Variants in PTPRK observed in about 807,000 individuals in gnomAD.
PTPRK encodes protein tyrosine phosphatase receptor type K.
A neutral mutation model predicts 178.0 loss-of-function variants in PTPRK; 75 were observed. The ratio of observed to expected loss-of-function variants is 0.42; its 90% confidence interval spans 0.35 to 0.51. The LOEUF (loss-of-function observed/expected upper bound fraction) is 0.51, where lower values mean the gene tolerates loss of function less well. Ranked by LOEUF, PTPRK falls within the 20% of genes least tolerant of loss-of-function variation. The pLI, the probability that PTPRK is intolerant of heterozygous loss-of-function variation, is 0.02. For synonymous variants in PTPRK, 637 were observed against 620.6 expected, an observed-to-expected ratio of 1.03 and a Z score of -0.39; for missense variants, 1,441 against 1,797.8, an observed-to-expected ratio of 0.80 and a Z score of 3.59.
chr6:128,432,047 T>C (rs981658137), intron 1 of PTPRK, among the ~76,000 whole-genome samples: 1 of 152,086 alleles, frequency 6.6e-6, no homozygotes, highest in Non-Finnish European at 1.5e-5. Context: ...AAAAGCACGG[T>C]TGAAAATACA....
chr6:128,200,164 T>C lies in PTPRK; in HGVS notation c.869-15439A>G, dbSNP rs554081798. ...GAGAATATATTTCTTTTATGTAACATTATACTGGAATCATGCAAAGTTAGG... is the reference window on the plus strand; with the variant it reads ...GAGAATATATTTCTTTTATGTAACACTATACTGGAATCATGCAAAGTTAGG... On this transcript the variant is annotated intron_variant, in intron 6 of 29. Coordinates refer to ENST00000368226, the MANE Select transcript of PTPRK (RefSeq NM_002844.4). Among the ~76,000 whole-genome samples the C allele has an allele frequency of 4.5e-4, 68 of 152,310 alleles. 1 individual carries two copies. In the South Asian group the frequency reaches 0.013, roughly 28 times the overall value.
rs1782055555 is a variant in PTPRK, at chr6:128,067,692, T to C, written c.1984A>G (p.Met662Val). The C allele has an allele frequency of 1.9e-6, 3 of 1,613,860 alleles. No individual in the cohort carries two copies. The highest frequency in any genetic ancestry group is 2.5e-6 in the Non-Finnish European group (3 of 1,179,836). ...YQVPVTYQNAMSGGAPYYFAA... is the reference protein window; with the variant it reads ...YQVPVTYQNAVSGGAPYYFAA... ...AAGTAATACGGTGCACCCCCACTCA[T>C]GGCATTTTGGTATGTGACAGGAACC... is the stretch of plus-strand genomic sequence containing the variant. The change falls in exon 12 of 30, where the codon ATG becomes GTG. Residue 662 changes from methionine to valine, a missense_variant. Met to Val is a conservative substitution (Grantham distance 21, BLOSUM62 1). Coordinates refer to ENST00000368226, the MANE Select transcript of PTPRK (RefSeq NM_002844.4).
intron 6 of PTPRK, among the ~76,000 whole-genome samples, chr6:128,218,625 A>G (rs2128271530): frequency 6.6e-6 from 1 of 152,362 alleles, no homozygotes; most frequent in Middle Eastern, 3.4e-3. Flanking sequence ...CTAAAGTTAA[A>G]ATACAAACGA....
intron 3 of PTPRK, among the ~76,000 whole-genome samples, chr6:128,304,421 C>A (rs1584035694): frequency 6.6e-6 from 1 of 151,996 alleles, no homozygotes; most frequent in Admixed American, 6.6e-5. Flanking sequence ...TAAAAATACA[C>A]AAAACACCCC....
At chr6:128,418,973 A>G (rs1177595490) in intron 1 of PTPRK, among the ~76,000 whole-genome samples, 1 of 152,194 alleles carries the variant, frequency 6.6e-6, no homozygotes, top group African/African-American at 2.4e-5. Context: ...CAATATACTC[A>G]GTCACCTAAG....
intron 7 of PTPRK, among the ~76,000 whole-genome samples, chr6:128,148,983 C>G (rs554628359): frequency 6.6e-6 from 1 of 151,940 alleles, no homozygotes; most frequent in South Asian, 2.1e-4. Flanking sequence ...TTACCTGTTT[C>G]CATGATTTCA....
At chr6:128,514,456 AC>A (rs1857651206) in intron 1 of PTPRK, among the ~76,000 whole-genome samples, 1 of 152,118 alleles carries the variant, frequency 6.6e-6, no homozygotes, top group African/African-American at 2.4e-5. Flanking sequence ...CAAAATAAAT[AC>A]AAACAATAAC....
intron 1 of PTPRK, among the ~76,000 whole-genome samples, chr6:128,434,527 A>C (rs1845257092): frequency 6.6e-6 from 1 of 152,180 alleles, no homozygotes; most frequent in Non-Finnish European, 1.5e-5. Context: ...CTGAAATTTC[A>C]GTTTACTTAC....
intron 1 of PTPRK, among the ~76,000 whole-genome samples, chr6:128,403,569 C>A (rs1251328097): frequency 2.0e-5 from 3 of 151,212 alleles, no homozygotes; most frequent in African/African-American, 7.4e-5. Context: ...GCTCCTAACA[C>A]CCAACACAGT....
intron 3 of PTPRK, among the ~76,000 whole-genome samples, chr6:128,317,482 T>C (rs1828171902): frequency 6.6e-6 from 1 of 152,128 alleles, no homozygotes; most frequent in Non-Finnish European, 1.5e-5. Context: ...GATATATATT[T>C]TTTTAAATTC....
intron 3 of PTPRK, among the ~76,000 whole-genome samples, chr6:128,285,548 T>C (rs1192946347): frequency 1.4e-5 from 2 of 143,002 alleles, no homozygotes; most frequent in African/African-American, 5.2e-5. Flanking sequence ...TGGTGGCTCA[T>C]GCCTGTAATC....
At chr6:128,020,543 G>A (rs1218252479) in intron 13 of PTPRK, among the ~76,000 whole-genome samples, 6 of 152,100 alleles carry the variant, frequency 3.9e-5, no homozygotes, top group African/African-American at 1.4e-4. Context: ...GTAATTAAAA[G>A]GCAAATGCAC....
chr6:128,340,125 A>T (rs1251723501), intron 2 of PTPRK, among the ~76,000 whole-genome samples: 1 of 152,210 alleles, frequency 6.6e-6, no homozygotes, highest in Non-Finnish European at 1.5e-5. Flanking sequence ...AACTAAAAAG[A>T]TTTATTGAGA....
intron 10 of PTPRK, among the ~76,000 whole-genome samples, chr6:128,081,481 C>A (rs1344562842): frequency 6.6e-6 from 1 of 151,838 alleles, no homozygotes; most frequent in Non-Finnish European, 1.5e-5. Flanking sequence ...AAGTACATGT[C>A]TTCCTTTTAA....
intron 7 of PTPRK, among the ~76,000 whole-genome samples, chr6:128,166,007 A>G (rs1799343901): frequency 6.6e-6 from 1 of 151,672 alleles, no homozygotes; most frequent in Non-Finnish European, 1.5e-5. Flanking sequence ...TTCTAGATAT[A>G]TGTAAGGATA....
chr6:128,420,143 C>T lies in PTPRK; in HGVS notation c.101-22455G>A, dbSNP rs371080241. Among the ~76,000 whole-genome samples the T allele has an allele frequency of 1.6e-4, 25 of 152,264 alleles. 1 individual carries two copies. Among genetic ancestry groups the T allele is most frequent in the Admixed American group, 1.0e-3 (16 of 15,286 alleles). ...ACCTTGCACTTTGCTTAAAATGTAG[C>T]TACCTGTTCTTCCCCAAAAAGGAAT... On this transcript the variant is annotated intron_variant, in intron 1 of 29. Transcript: ENST00000368226.
chr6:128,219,956 C>A (rs1810093843), intron 5 of PTPRK, among the ~76,000 whole-genome samples: 1 of 152,112 alleles, frequency 6.6e-6, no homozygotes, highest in African/African-American at 2.4e-5. Context: ...TTAATGACAG[C>A]CAATTTATAC....
intron 3 of PTPRK, among the ~76,000 whole-genome samples, chr6:128,281,748 C>T (rs184481180): frequency 6.6e-6 from 1 of 152,218 alleles, no homozygotes; most frequent in East Asian, 1.9e-4. Context: ...TCCAAACCCA[C>T]TCTACATCCC....
intron 5 of PTPRK, among the ~76,000 whole-genome samples, 196 bp from the exon 6 acceptor site, chr6:128,219,292 A>G (rs1809960701): frequency 1.3e-5 from 2 of 152,168 alleles, no homozygotes; most frequent in Admixed American, 1.3e-4. Flanking sequence ...TTTTCGGCAC[A>G]AAAGACCAGT....
Sources: gnomAD v4.1 joint callset for allele counts (sites outside exome capture counted in the v4.1 genomes callset) on GRCh38, gnomAD v4.1.1 for gene constraint, MANE v1.5 for transcripts, NCBI Gene and HGNC (gene_info 2026-07-23, HGNC 2026-07-21) for gene names.